The following TNKS variants were observed in gnomAD, a reference collection of about 807,000 sequenced individuals.
TNKS encodes the protein tankyrase, also known as poly [ADP-ribose] polymerase tankyrase-1.
TNKS carries 72 observed loss-of-function variants against 135.8 expected under a neutral mutation model. That is an observed-to-expected ratio of 0.53 (90% CI 0.44 to 0.64). The LOEUF is 0.64. Among genes scored for constraint, TNKS ranks in the 30% least tolerant of loss-of-function variants. The pLI, the probability that TNKS is intolerant of heterozygous loss-of-function variation, is 0.00. For missense variants in TNKS, 1,769 were observed against 1,674.0 expected (o/e 1.06, Z -0.99); for synonymous variants, 849 against 649.3 (o/e 1.31, Z -4.68).
At chr8:9,581,387 C>G (rs935373832) in intron 2 of TNKS, among the ~76,000 whole-genome samples, 1 of 152,112 alleles carries the variant, frequency 6.6e-6, no homozygotes, top group East Asian at 1.9e-4. Context: ...ATATCCTGTC[C>G]TTTCAGTTTT....
At chr8:9,771,410 G>T (rs1807851951) in intron 26 of TNKS, among the ~76,000 whole-genome samples, 1 of 100,314 alleles carries the variant, frequency 1.0e-5, no homozygotes, top group Non-Finnish European at 2.4e-5. Flanking sequence ...AAGAAAGGGA[G>T]ACAGATACTA....
At chr8:9,726,792 A>C (rs1382536028) in intron 13 of TNKS, 72 bp downstream of exon 13, 1 of 1,202,440 alleles carries the variant, frequency 8.3e-7, no homozygotes, top group Admixed American at 1.9e-5. Context: ...TAAGCTTCTA[A>C]GTATATCTAC....
At chr8:9,603,824 A>G (rs915590772) in intron 2 of TNKS, among the ~76,000 whole-genome samples, 1 of 152,222 alleles carries the variant, frequency 6.6e-6, no homozygotes, top group African/African-American at 2.4e-5. Flanking sequence ...CGAGGATATT[A>G]AGAGAGAACA....
rs1208749758 is a variant in TNKS at position 9,730,951 on chromosome 8, T to TA, written c.2064dup (p.His689ThrfsTer35). On this transcript the variant is annotated frameshift_variant, in exon 14 of 27. Coordinates refer to ENST00000310430, the MANE Select transcript of TNKS (RefSeq NM_003747.3). LOFTEE classifies it high-confidence loss of function. Reference sequence around the variant, plus strand: ...TTAGAGGGCCGGCATTCCACGCCCTTACACTTCGCAGCAGGCTACAACCGC... The same window carrying TA: ...TTAGAGGGCCGGCATTCCACGCCCTTAACACTTCGCAGCAGGCTACAACCGC... The TA allele has an allele frequency of 6.2e-7, 1 of 1,613,990 alleles. No homozygotes were observed.
Position 9,653,507 on chromosome 8 carries a change from C to G in TNKS, c.995-26444C>G, listed in dbSNP as rs372089886. Among the ~76,000 whole-genome samples the G allele has an allele frequency of 1.9e-3, 283 of 151,802 alleles. 1 individual carries two copies. The highest frequency in any genetic ancestry group is 6.3e-3 in the African/African-American group (261 of 41,420). ...TGAGGGCCTCGTACTGGGTCTTAAC[C>G]CAGCAGAGAAGAAGAAGGGGAAGTG... On this transcript the variant is annotated intron_variant, in intron 3 of 26. Transcript: ENST00000310430.
intron 5 of TNKS, among the ~76,000 whole-genome samples, chr8:9,690,340 T>G (rs1803207013): frequency 6.6e-6 from 1 of 152,236 alleles, no homozygotes; most frequent in African/African-American, 2.4e-5. Flanking sequence ...ATTCAGAGCT[T>G]TATTCTCACA....
At chr8:9,718,501 C>T (rs1804718131) in intron 11 of TNKS, among the ~76,000 whole-genome samples, 2 of 152,124 alleles carry the variant, frequency 1.3e-5, no homozygotes, top group Non-Finnish European at 2.9e-5. Context: ...TGCCGGTTTC[C>T]AGAACTGTTT....
At chr8:9,613,400 G>A (rs755663680) in intron 2 of TNKS, among the ~76,000 whole-genome samples, 1 of 152,164 alleles carries the variant, frequency 6.6e-6, no homozygotes, top group African/African-American at 2.4e-5. Flanking sequence ...TTGTAATCTT[G>A]TATGAAAGCT....
At chr8:9,711,703 TTAAAGG>T (rs1396302686) in intron 11 of TNKS, among the ~76,000 whole-genome samples, 1 of 152,202 alleles carries the variant, frequency 6.6e-6, no homozygotes, top group Non-Finnish European at 1.5e-5. Flanking sequence ...AATCAGATCC[TTAAAGG>T]TAAAAGTTAC....
At chr8:9,673,123 C>G (rs967988331) in intron 3 of TNKS, among the ~76,000 whole-genome samples, 3 of 152,040 alleles carry the variant, frequency 2.0e-5, no homozygotes, top group African/African-American at 7.2e-5. Flanking sequence ...ACAATTGACA[C>G]CACATCAGAA....
chr8:9,767,976 A>T (rs1252174230), intron 25 of TNKS, among the ~76,000 whole-genome samples: 1 of 151,450 alleles, frequency 6.6e-6, no homozygotes, highest in African/African-American at 2.4e-5. Flanking sequence ...AAAAAAAAAA[A>T]GAATACAGAG....
chr8:9,772,200 T>C (rs1807946754), intron 26 of TNKS, among the ~76,000 whole-genome samples: 1 of 151,446 alleles, frequency 6.6e-6, no homozygotes, highest in African/African-American at 2.4e-5. Flanking sequence ...ATGGGGATTG[T>C]TTCACTAAGG....
intron 2 of TNKS, among the ~76,000 whole-genome samples, chr8:9,597,245 A>T (rs923271682): frequency 6.6e-6 from 1 of 152,214 alleles, no homozygotes; most frequent in Non-Finnish European, 1.5e-5. Flanking sequence ...GGGAAGTTAA[A>T]TGAAAGAATA....
At chr8:9,741,110 C>G (rs1196728320) in intron 17 of TNKS, 3 of 152,312 alleles carry the variant, frequency 2.0e-5, no homozygotes, top group East Asian at 1.9e-4. Context: ...CACGCCCGGC[C>G]TACATGTAAT....
chr8:9,622,768 A>T (rs1302883440), intron 3 of TNKS, among the ~76,000 whole-genome samples: 1 of 152,194 alleles, frequency 6.6e-6, no homozygotes, highest in African/African-American at 2.4e-5. Context: ...AGTAAGACTC[A>T]TCATCATATT....
chr8:9,660,890 C>A (rs564366237), intron 3 of TNKS, among the ~76,000 whole-genome samples: 1 of 151,970 alleles, frequency 6.6e-6, no homozygotes, highest in African/African-American at 2.4e-5. Context: ...TCAGCAAAGT[C>A]TCAGGATACA....
At chr8:9,573,897 T>A (rs1177377677) in intron 1 of TNKS, among the ~76,000 whole-genome samples, 1 of 152,206 alleles carries the variant, frequency 6.6e-6, no homozygotes, top group Non-Finnish European at 1.5e-5. Context: ...AAGTCATAGT[T>A]GTCAGTTATA....
chr8:9,635,478 A>G (rs1009227469), intron 3 of TNKS, among the ~76,000 whole-genome samples: 6 of 152,230 alleles, frequency 3.9e-5, no homozygotes, highest in South Asian at 2.1e-4. Flanking sequence ...GGTTAGGACA[A>G]CAATCGTTAG....
intron 1 of TNKS, chr8:9,558,140 A>G (rs1585163696): frequency 6.6e-6 from 1 of 152,320 alleles, no homozygotes. Flanking sequence ...TGGAAACAAT[A>G]CTTTCCCTTA....
Sources: gnomAD v4.1 joint callset for allele counts (sites outside exome capture counted in the v4.1 genomes callset) on GRCh38, gnomAD v4.1.1 for gene constraint, MANE v1.5 for transcripts, NCBI Gene and HGNC (gene_info 2026-07-23, HGNC 2026-07-21) for gene names.